The following HYCC2 variants were observed in gnomAD, a reference collection of about 807,000 sequenced individuals.
HYCC2 encodes hyccin 2.
At chr2:201,022,181 A>C in the HYCC2 span, 8 of 925,662 alleles carry the variant, frequency 8.6e-6, no homozygotes, top group Non-Finnish European at 1.2e-5. Flanking sequence ...ACATGAATCC[A>C]GTGGTGATAA....
the HYCC2 span, among the ~76,000 whole-genome samples, chr2:201,057,775 TG>T: frequency 6.6e-6 from 1 of 151,978 alleles, no homozygotes; most frequent in Non-Finnish European, 1.5e-5. Flanking sequence ...TACAGTCTGC[TG>T]GCATTGACCT....
chr2:201,015,139 G>A, the HYCC2 span, among the ~76,000 whole-genome samples: 4 of 152,186 alleles, frequency 2.6e-5, no homozygotes, highest in Non-Finnish European at 5.9e-5. Context: ...ACATGAGAAT[G>A]GAAATATGAT....
the HYCC2 span, chr2:200,978,038 T>A: frequency 7.9e-5 from 12 of 152,322 alleles, 1 homozygote; most frequent in African/African-American, 2.9e-4. Flanking sequence ...TAAATATCTT[T>A]TTCATAGATG....
the HYCC2 span, chr2:201,009,491 A>C: frequency 6.3e-6 from 1 of 158,090 alleles, no homozygotes; most frequent in Non-Finnish European, 1.4e-5. Context: ...ACAGAGTCTC[A>C]CTCTGTCTCC....
chr2:201,054,609 G>C, the HYCC2 span, among the ~76,000 whole-genome samples: 2 of 152,098 alleles, frequency 1.3e-5, no homozygotes, highest in African/African-American at 4.8e-5. Context: ...GGGTGCTAAA[G>C]CTTGGGCATA....
At chr2:201,064,330 T>TG in the HYCC2 span, among the ~76,000 whole-genome samples, 1 of 152,302 alleles carries the variant, frequency 6.6e-6, no homozygotes, top group East Asian at 1.9e-4. Flanking sequence ...GCACCCATGC[T>TG]GTTGATTGCT....
At chr2:201,012,952 TACACACACACACACAC>T in the HYCC2 span, among the ~76,000 whole-genome samples, 3 of 146,314 alleles carry the variant, frequency 2.1e-5, no homozygotes, top group South Asian at 2.2e-4. Flanking sequence ...TTTCAAAAAA[TACACACACACACACAC>T]ACACACACAC....
chr2:201,062,015 G>A, the HYCC2 span, among the ~76,000 whole-genome samples: 5 of 152,028 alleles, frequency 3.3e-5, no homozygotes. Flanking sequence ...TGAGGAGGGA[G>A]GACTGCTTGA....
chr2:201,016,467 G>A, the HYCC2 span, among the ~76,000 whole-genome samples: 3 of 152,082 alleles, frequency 2.0e-5, no homozygotes, highest in Non-Finnish European at 4.4e-5. Context: ...TTTTTATAGA[G>A]ACGAGGTTTG....
At chr2:201,036,745 T>C in the HYCC2 span, among the ~76,000 whole-genome samples, 38 of 152,130 alleles carry the variant, frequency 2.5e-4, no homozygotes, top group Non-Finnish European at 1.2e-4. Flanking sequence ...GGAACATATC[T>C]CAAAATAATA....
At chr2:201,041,617 C>T in the HYCC2 span, among the ~76,000 whole-genome samples, 3 of 152,174 alleles carry the variant, frequency 2.0e-5, no homozygotes, top group Non-Finnish European at 4.4e-5. Context: ...CCTAGAACTT[C>T]GGGGTTTGTA....
chr2:201,070,281 C>G, the HYCC2 span, among the ~76,000 whole-genome samples: 1 of 152,134 alleles, frequency 6.6e-6, no homozygotes, highest in South Asian at 2.1e-4. Flanking sequence ...CCGAGAGGTT[C>G]AGAGTCCACT....
the HYCC2 span, chr2:200,975,423 T>C: frequency 6.6e-6 from 1 of 152,002 alleles, no homozygotes; most frequent in South Asian, 2.1e-4. Context: ...TGGGGATGAG[T>C]TGTCCAATTA....
At chr2:200,988,393 G>T in the HYCC2 span, 1 of 1,612,526 alleles carries the variant, frequency 6.2e-7, no homozygotes, top group Non-Finnish European at 8.5e-7. Flanking sequence ...AGCATCAAAT[G>T]GTAATGAGTT....
the HYCC2 span, among the ~76,000 whole-genome samples, chr2:201,043,432 TAAAAAAAAAAAA>T: frequency 1.3e-5 from 1 of 74,908 alleles, no homozygotes; most frequent in Non-Finnish European, 2.9e-5. Context: ...CAATAAATAC[TAAAAAAAAAAAA>T]AAAAAGAAAG....
At chr2:201,024,845 G>A in the HYCC2 span, among the ~76,000 whole-genome samples, 1 of 152,180 alleles carries the variant, frequency 6.6e-6, no homozygotes, top group African/African-American at 2.4e-5. Flanking sequence ...GCTGGGCACA[G>A]TGGCTCATGC....
chr2:201,066,477 TAATA>T, the HYCC2 span, among the ~76,000 whole-genome samples: 1,724 of 152,230 alleles, frequency 0.011, 17 homozygotes, highest in Non-Finnish European at 0.017. Context: ...AAGTATAAAC[TAATA>T]AATAAATAAA....
At chr2:200,977,349 CCT>C in the HYCC2 span, 3 of 152,108 alleles carry the variant, frequency 2.0e-5, no homozygotes, top group East Asian at 5.8e-4. Flanking sequence ...AACCTCTGAG[CCT>C]CTGTTTCTTG....
the HYCC2 span, among the ~76,000 whole-genome samples, chr2:200,989,037 A>G: frequency 6.6e-6 from 1 of 152,348 alleles, no homozygotes; most frequent in East Asian, 1.9e-4. Flanking sequence ...CATTCTTTCC[A>G]GTGGGCTGTT....
Sources: gnomAD v4.1 joint callset for allele counts (sites outside exome capture counted in the v4.1 genomes callset) on GRCh38, gnomAD v4.1.1 for gene constraint, MANE v1.5 for transcripts, NCBI Gene and HGNC (gene_info 2026-07-23, HGNC 2026-07-21) for gene names.